The following ARID5B variants were observed in gnomAD, a reference collection of about 807,000 sequenced individuals.
ARID5B encodes the protein AT-rich interaction domain 5B, also known as AT-rich interactive domain-containing protein 5B.
Under a neutral mutation model 97.2 loss-of-function variants are expected in ARID5B, and 13 were observed. That is an observed-to-expected ratio of 0.13 (90% CI 0.09 to 0.21). ARID5B has a LOEUF of 0.21. Ranked by LOEUF, ARID5B falls within the 10% of genes least tolerant of loss-of-function variation. The pLI is 1.00. For missense variants in ARID5B, 1,210 were observed against 1,465.3 expected (o/e 0.83, Z 2.84); for synonymous variants, 556 against 570.3 (o/e 0.97, Z 0.36).
chr10:61,996,436 T>A lies in ARID5B; in HGVS notation c.503-3655T>A, dbSNP rs147268597. Among the ~76,000 whole-genome samples the A allele has an allele frequency of 5.2e-3, 795 of 152,204 alleles. 20 individuals are homozygous for A. Among genetic ancestry groups the A allele is most frequent in the Admixed American group, 0.046 (708 of 15,294 alleles). Reference sequence around the variant, plus strand: ...GGGAGTTCAAAGATTGGGTTATAAGTCCCAGCTACTCAGGAGGCAGAGGTA... The same window carrying A: ...GGGAGTTCAAAGATTGGGTTATAAGACCCAGCTACTCAGGAGGCAGAGGTA... On this transcript the variant is annotated intron_variant, in intron 3 of 9. Coordinates refer to ENST00000279873, the MANE Select transcript of ARID5B (RefSeq NM_032199.3).
At chr10:61,903,024 G>A (rs565205019) in intron 2 of ARID5B, among the ~76,000 whole-genome samples, 1 of 152,246 alleles carries the variant, frequency 6.6e-6, no homozygotes, top group South Asian at 2.1e-4. Flanking sequence ...ATTTCAAAGC[G>A]GTGGTGTAAC....
At chr10:61,957,722 A>G (rs1050670455) in intron 3 of ARID5B, among the ~76,000 whole-genome samples, 7 of 152,366 alleles carry the variant, frequency 4.6e-5, no homozygotes, top group African/African-American at 1.7e-4. Context: ...TATTTTTGAT[A>G]TGTTGGATTA....
intron 2 of ARID5B, among the ~76,000 whole-genome samples, chr10:61,904,232 A>G (rs1182576435): frequency 6.6e-6 from 1 of 152,106 alleles, no homozygotes; most frequent in Non-Finnish European, 1.5e-5. Context: ...GTCCAGGAGG[A>G]AATTATTCAG....
At chr10:61,941,405 T>C (rs1003547460) in intron 3 of ARID5B, among the ~76,000 whole-genome samples, 4 of 152,032 alleles carry the variant, frequency 2.6e-5, no homozygotes, top group Non-Finnish European at 5.9e-5. Flanking sequence ...TTATTTCCTC[T>C]TTAGGCAAAG....
intron 3 of ARID5B, among the ~76,000 whole-genome samples, chr10:61,971,047 G>A (rs1307653424): frequency 6.6e-6 from 1 of 151,944 alleles, no homozygotes; most frequent in African/African-American, 2.4e-5. Context: ...GGGAAAAAGA[G>A]TAAAATAGAG....
chr10:62,065,327 AC>A (rs930210336), intron 7 of ARID5B, among the ~76,000 whole-genome samples: 2 of 152,152 alleles, frequency 1.3e-5, no homozygotes, highest in Non-Finnish European at 2.9e-5. Flanking sequence ...TAAATTATGA[AC>A]CTTGAAAGCA....
chr10:61,971,471 A>G (rs1004399393), intron 3 of ARID5B, among the ~76,000 whole-genome samples: 6 of 152,218 alleles, frequency 3.9e-5, no homozygotes, highest in African/African-American at 1.4e-4. Context: ...GTTTGTGTCT[A>G]TTCTAATAAT....
At chr10:62,071,924 G>T (rs1255740243) in intron 8 of ARID5B, among the ~76,000 whole-genome samples, 1 of 152,200 alleles carries the variant, frequency 6.6e-6, no homozygotes, top group Non-Finnish European at 1.5e-5. Flanking sequence ...ATGAGTCAGG[G>T]TGCAGTAAGG....
intron 3 of ARID5B, among the ~76,000 whole-genome samples, chr10:61,990,503 C>G (rs1156905487): frequency 6.6e-6 from 1 of 152,168 alleles, no homozygotes; most frequent in Admixed American, 6.5e-5. Context: ...AATGACTGCT[C>G]TTATCCTTTG....
At chr10:61,931,917 G>A (rs1398092259) in intron 2 of ARID5B, among the ~76,000 whole-genome samples, 2 of 152,140 alleles carry the variant, frequency 1.3e-5, no homozygotes, top group Non-Finnish European at 2.9e-5. Context: ...ATGTAAAATG[G>A]TACAGCCACT....
chr10:61,949,971 G>C (rs1275510365), intron 3 of ARID5B, among the ~76,000 whole-genome samples: 5 of 152,022 alleles, frequency 3.3e-5, no homozygotes, highest in African/African-American at 1.2e-4. Context: ...GATAAAAGTG[G>C]GTCTATTGTG....
Position 62,081,019 on chromosome 10 carries a change from T to A in ARID5B, c.1200-4683T>A, listed in dbSNP as rs369365938. Reference sequence around the variant, plus strand: ...TGTATTTTTAGTAGAGATGGGCTGGTCTCGAACTCCTGACCCCAAGTGATC... The same window carrying A: ...TGTATTTTTAGTAGAGATGGGCTGGACTCGAACTCCTGACCCCAAGTGATC... On this transcript the variant is annotated intron_variant, in intron 8 of 9. Transcript: ENST00000279873. 1.1e-4 allele frequency among the ~76,000 whole-genome samples: 17 copies of A among 152,042 alleles called. No homozygotes were observed. The East Asian group carries it at 3.1e-3, about 28-fold the overall frequency.
chr10:62,061,070 T>G (rs192905124), intron 7 of ARID5B, among the ~76,000 whole-genome samples: 1 of 152,220 alleles, frequency 6.6e-6, no homozygotes, highest in Admixed American at 6.5e-5. Context: ...TGACCACATA[T>G]TTACTGAGTA....
At position 62,051,181 on chromosome 10, in the gene ARID5B, G is replaced by A. The variant is rs541679953; in HGVS notation, c.846+181G>A. ...TGCCACCTCCCTTCCCCTGGTTGCCGTGGGCTGGGGGAGGTAGGCATTTTG... is the reference window on the plus strand; with the variant it reads ...TGCCACCTCCCTTCCCCTGGTTGCCATGGGCTGGGGGAGGTAGGCATTTTG... On this transcript the variant is annotated intron_variant, in intron 5 of 9. Coordinates refer to ENST00000279873, the MANE Select transcript of ARID5B (RefSeq NM_032199.3). 6.4e-5 allele frequency: 44 copies of A among 682,432 alleles called. No individual in the cohort carries two copies. In the East Asian group the frequency reaches 8.4e-4, roughly 13 times the overall value. 42.3% of individuals were successfully genotyped at this position (682,432 alleles called of 1,614,324 possible).
rs1285653221 is a variant in ARID5B, at chr10:62,085,846, A to G, written c.1344A>G (p.Ile448Met). 1.2e-6 allele frequency: 2 copies of G among 1,614,054 alleles called. No individual in the cohort carries two copies. The highest frequency in any genetic ancestry group is 2.2e-5 in the South Asian group (2 of 91,056). Residue 448 changes from isoleucine to methionine, a missense_variant, in exon 9 of 10, where the codon ATA (isoleucine) becomes ATG (methionine). By Grantham distance (10) the Ile-to-Met change is conservative (BLOSUM62 1). Around this residue, in one of 8 missense-constraint regions of ARID5B, gnomAD observed 800 missense variants for 839.1 expected, o/e 0.95. Coordinates refer to ENST00000279873, the MANE Select transcript of ARID5B (RefSeq NM_032199.3). ...VSGTKRIKHE[I>M]PKSKKEKENA... ...GAACCAAACGCATCAAACATGAAAT[A>G]CCTAAAAGCAAGAAAGAAAAAGAAA... is the stretch of plus-strand genomic sequence containing the variant.
At chr10:61,904,713 T>A (rs1418824533) in intron 2 of ARID5B, among the ~76,000 whole-genome samples, 1 of 152,248 alleles carries the variant, frequency 6.6e-6, no homozygotes, top group Non-Finnish European at 1.5e-5. Context: ...ACTTGTATAT[T>A]TCATTAGGAC....
At chr10:61,911,467 G>A (rs1843802540) in intron 2 of ARID5B, among the ~76,000 whole-genome samples, 1 of 152,196 alleles carries the variant, frequency 6.6e-6, no homozygotes, top group Non-Finnish European at 1.5e-5. Context: ...GTGGGAAGAA[G>A]TTTTATTGTG....
intron 2 of ARID5B, among the ~76,000 whole-genome samples, chr10:61,915,784 C>G (rs933473688): frequency 6.6e-6 from 1 of 152,324 alleles, no homozygotes; most frequent in Admixed American, 6.5e-5. Flanking sequence ...GAGACAGAGT[C>G]TCGCTCTGTC....
intron 4 of ARID5B, among the ~76,000 whole-genome samples, chr10:62,002,695 CAACT>C (rs757595108): frequency 6.6e-6 from 1 of 152,166 alleles, no homozygotes; most frequent in Non-Finnish European, 1.5e-5. Flanking sequence ...TTTCTCCAAC[CAACT>C]AACAGTTGGT....
Sources: allele counts gnomAD v4.1 joint callset (sites outside exome capture counted in the v4.1 genomes callset), GRCh38; gene constraint gnomAD v4.1.1; regional missense constraint gnomAD v4.1.1; transcripts MANE v1.5; gene names NCBI Gene and HGNC (gene_info 2026-07-23, HGNC 2026-07-21).